Variants in COMMD10 observed in about 807,000 individuals in gnomAD.
COMMD10 encodes COMM domain containing 10.
A neutral mutation model predicts 28.9 loss-of-function variants in COMMD10; 33 were observed. That is an observed-to-expected ratio of 1.14 (90% confidence interval 0.87 to 1.53). COMMD10 has a LOEUF of 1.53. Ranked by LOEUF, COMMD10 falls within the 40% of genes most tolerant of loss-of-function variation. The probability of loss-of-function intolerance (pLI) is 0.00; values close to 1 mark genes in which losing one functional copy is unlikely to be tolerated. For synonymous variants in COMMD10, 110 were observed against 81.7 expected, an observed-to-expected ratio of 1.35 and a Z score of -1.87; for missense variants, 310 against 233.4, an observed-to-expected ratio of 1.33 and a Z score of -2.14.
At chr5:116,182,541 C>A (rs4260709) in intron 5 of COMMD10, among the ~76,000 whole-genome samples, 47,584 of 151,742 alleles carry the variant, frequency 0.31, 10,330 homozygotes, top group African/African-American at 0.62. Context: ...GACATTTAGA[C>A]TATTTCTCAG....
At chr5:116,221,765 C>G (rs80146303) in intron 5 of COMMD10, among the ~76,000 whole-genome samples, 2,451 of 152,196 alleles carry the variant, frequency 0.016, 71 homozygotes, top group African/African-American at 0.057. Flanking sequence ...GTTGTTCTAG[C>G]CACCATTCTT....
intron 5 of COMMD10, among the ~76,000 whole-genome samples, chr5:116,285,821 G>A (rs552791416): frequency 6.6e-6 from 1 of 151,940 alleles, no homozygotes; most frequent in African/African-American, 2.4e-5. Flanking sequence ...ATATTGGTCT[G>A]TAGTTTTCTT....
At chr5:116,230,542 G>T (rs1165051151) in intron 5 of COMMD10, among the ~76,000 whole-genome samples, 1 of 151,936 alleles carries the variant, frequency 6.6e-6, no homozygotes, top group African/African-American at 2.4e-5. Context: ...TCTACATCAC[G>T]ATGTTAGTGA....
intron 4 of COMMD10, among the ~76,000 whole-genome samples, chr5:116,127,254 A>G (rs544022131): frequency 6.6e-6 from 1 of 152,328 alleles, no homozygotes; most frequent in East Asian, 1.9e-4. Flanking sequence ...TAGAATGGCG[A>G]TCATTAAAAA....
At chr5:116,267,945 A>G (rs1165473549) in intron 5 of COMMD10, among the ~76,000 whole-genome samples, 3 of 151,876 alleles carry the variant, frequency 2.0e-5, no homozygotes, top group African/African-American at 4.9e-5. Flanking sequence ...TACAAAAATT[A>G]ATTCGAGATG....
chr5:116,244,457 C>T lies in COMMD10; in HGVS notation c.511-47060C>T, dbSNP rs35159508. Among the ~76,000 whole-genome samples, 1,341 of 151,812 alleles carry T rather than the reference C, an allele frequency of 8.8e-3. 5 individuals are homozygous for T. The highest frequency in any genetic ancestry group is 0.014 in the Non-Finnish European group (947 of 67,860). On this transcript the variant is annotated intron_variant, in intron 5 of 6. Transcript: ENST00000274458. ...CTGGTTATAATGCAAAGAAGCCAGT[C>T]TAGTGAATAGACAAATGAATTTATT...
chr5:116,269,894 T>A (rs1750707648), intron 5 of COMMD10, among the ~76,000 whole-genome samples: 1 of 151,806 alleles, frequency 6.6e-6, no homozygotes, highest in East Asian at 1.9e-4. Flanking sequence ...TTTACCCCAT[T>A]TCTGCATATT....
intron 5 of COMMD10, among the ~76,000 whole-genome samples, chr5:116,176,540 G>A (rs1425258592): frequency 6.6e-6 from 1 of 151,998 alleles, no homozygotes; most frequent in East Asian, 1.9e-4. Context: ...TCATTTTAAA[G>A]TCCCTAAGTT....
At chr5:116,235,057 A>G (rs1053722365) in intron 5 of COMMD10, among the ~76,000 whole-genome samples, 9 of 152,168 alleles carry the variant, frequency 5.9e-5, no homozygotes, top group East Asian at 1.9e-4. Context: ...AAAATCAATC[A>G]TTTGTATAAT....
At chr5:116,219,068 A>G (rs1485421624) in intron 5 of COMMD10, among the ~76,000 whole-genome samples, 1 of 152,144 alleles carries the variant, frequency 6.6e-6, no homozygotes, top group African/African-American at 2.4e-5. Context: ...GCTTTAATAG[A>G]GAAAACCTAT....
intron 5 of COMMD10, among the ~76,000 whole-genome samples, chr5:116,170,071 A>G (rs368071022): frequency 1.4e-4 from 21 of 152,154 alleles, no homozygotes; most frequent in African/African-American, 4.8e-4. Context: ...AGATGACATG[A>G]TTGTATATTT....
At chr5:116,196,171 G>A (rs1748515279) in intron 5 of COMMD10, among the ~76,000 whole-genome samples, 1 of 152,130 alleles carries the variant, frequency 6.6e-6, no homozygotes, top group Admixed American at 6.6e-5. Context: ...CAAATACAAA[G>A]TCATGGAACC....
intron 5 of COMMD10, among the ~76,000 whole-genome samples, chr5:116,161,446 T>TG (rs1176292796): frequency 6.6e-6 from 1 of 152,140 alleles, no homozygotes; most frequent in Non-Finnish European, 1.5e-5. Context: ...CCTTGAACAA[T>TG]ACCGGGTCTA....
chr5:116,231,661 A>G (rs541116128), intron 5 of COMMD10, among the ~76,000 whole-genome samples: 15 of 152,278 alleles, frequency 9.9e-5, no homozygotes, highest in East Asian at 5.8e-4. Context: ...GTCTAAAGGG[A>G]AAGATAAAAC....
In COMMD10 at chr5:116,230,693, C is replaced by T. The variant is rs1449263829; in HGVS notation, c.511-60824C>T. Among the ~76,000 whole-genome samples the T allele has an allele frequency of 4.6e-5, 7 of 152,152 alleles. No individual in the cohort carries two copies. In the East Asian group the frequency reaches 1.4e-3, roughly 29 times the overall value. The stretch of plus-strand genomic sequence containing the variant: ...AGAAAAGATTGAAGGAAAGCAGTCT[C>T]CTCTTTTACCAGCCCCCACCTCAAC... On this transcript the variant is annotated intron_variant, in intron 5 of 6. Coordinates refer to ENST00000274458, the MANE Select transcript of COMMD10 (RefSeq NM_016144.4).
chr5:116,284,758 C>T (rs1018453516), intron 5 of COMMD10, among the ~76,000 whole-genome samples: 4 of 151,674 alleles, frequency 2.6e-5, no homozygotes, highest in Non-Finnish European at 5.9e-5. Context: ...TTTTTCTTCC[C>T]TTAACAAAGA....
chr5:116,206,281 G>A (rs1184772785), intron 5 of COMMD10, among the ~76,000 whole-genome samples: 1 of 152,120 alleles, frequency 6.6e-6, no homozygotes, highest in Non-Finnish European at 1.5e-5. Context: ...TGAAACAGCA[G>A]TTTCCATTTT....
chr5:116,248,903 T>G (rs778718625), intron 5 of COMMD10, among the ~76,000 whole-genome samples: 8 of 151,942 alleles, frequency 5.3e-5, no homozygotes, highest in Non-Finnish European at 1.2e-4. Flanking sequence ...ACAAAAGAAA[T>G]TTAAGTTACT....
chr5:116,151,070 CGTT>C (rs1161652893), intron 5 of COMMD10, among the ~76,000 whole-genome samples: 1 of 151,096 alleles, frequency 6.6e-6, no homozygotes, highest in Non-Finnish European at 1.5e-5. Context: ...TGGCATGAAG[CGTT>C]GTTGAATTTT....
Sources: gnomAD v4.1 joint callset for allele counts (sites outside exome capture counted in the v4.1 genomes callset) on GRCh38, gnomAD v4.1.1 for gene constraint, MANE v1.5 for transcripts, NCBI Gene and HGNC (gene_info 2026-07-23, HGNC 2026-07-21) for gene names.